PMS2: variants seen among roughly 807,000 people sequenced by gnomAD.
PMS2 encodes PMS1 homolog 2, mismatch repair system component, also known as mismatch repair endonuclease PMS2.
A neutral mutation model predicts 90.0 loss-of-function variants in PMS2; 69 were observed. The observed-to-expected ratio is 0.77, with a 90% CI of 0.63 to 0.94. PMS2 has a LOEUF of 0.94. PMS2 is among the 40% of genes least tolerant of loss of function. The probability of loss-of-function intolerance (pLI) is 0.00; values close to 1 mark genes in which losing one functional copy is unlikely to be tolerated. For synonymous variants in PMS2, 332 were observed against 375.1 expected (o/e 0.89, Z 1.33); for missense variants, 966 against 1,040.2 (o/e 0.93, Z 0.98).
At chr7:5,991,377 A>G (rs1299063062) in intron 9 of PMS2, among the ~76,000 whole-genome samples, 1 of 151,896 alleles carries the variant, frequency 6.6e-6, no homozygotes, top group Non-Finnish European at 1.5e-5. Flanking sequence ...CAATAAACCA[A>G]AATTTTAACA....
At chr7:5,991,537 TA>T (rs34698038) in intron 9 of PMS2, among the ~76,000 whole-genome samples, 21,105 of 145,118 alleles carry the variant, frequency 0.15, 1,530 homozygotes, top group South Asian at 0.22. Context: ...GAACTCTGTT[TA>T]AAAAAAAAAA....
At position 6,004,059 on chromosome 7, in the gene PMS2, C is replaced by A. The variant is rs763308607; in HGVS notation, c.164-1G>T. ...ACTCCATAGTCCTTAAGCTTTAGAT[C>A]TAGAAAGTTTAAAATATTTACATAT... is the stretch of plus-strand genomic sequence containing the variant. On this transcript the variant is annotated splice_acceptor_variant, in intron 2 of 14. Transcript: ENST00000265849. LOFTEE classifies it high-confidence loss of function. The A allele has an allele frequency of 6.6e-7, 1 of 1,519,230 alleles. No homozygotes were observed. The highest frequency in any genetic ancestry group is 9.1e-7 in the Non-Finnish European group (1 of 1,097,034). 94.1% of individuals were successfully genotyped at this position (1,519,230 alleles called of 1,614,324 possible).
rs566335823 is a variant in PMS2 at position 5,982,465 on chromosome 7, A to G, written c.2174+359T>C. On this transcript the variant is annotated intron_variant, in intron 12 of 14. Coordinates refer to ENST00000265849, the MANE Select transcript of PMS2 (RefSeq NM_000535.7). Reference sequence around the variant, plus strand: ...GTGATCTGCCCACCTCGGCCTCCCAAAGTGCCGGGATTATAGGCGTGAGCC... The same window carrying G: ...GTGATCTGCCCACCTCGGCCTCCCAGAGTGCCGGGATTATAGGCGTGAGCC... Among the ~76,000 whole-genome samples, 34 of 152,044 alleles carry G rather than the reference A, an allele frequency of 2.2e-4. 1 individual carries two copies. The highest frequency in any genetic ancestry group is 8.2e-4 in the African/African-American group (34 of 41,400).
chr7:5,987,568 C>T lies in PMS2; in HGVS notation c.1197G>A (p.Lys399=), dbSNP rs757730609. ...TCCTTAATGAAGGGGATTGATCCTGCTTTTCTACCATGGGCTTTTCCAAAT... is the reference window on the plus strand; with the variant it reads ...TCCTTAATGAAGGGGATTGATCCTGTTTTTCTACCATGGGCTTTTCCAAAT... ...AADLEKPMVE[K]QDQSPSLRTG... Residue 399 remains lysine, a synonymous_variant, in exon 11 of 15, where the codon AAG becomes AAA. Transcript: ENST00000265849. The T allele has an allele frequency of 1.8e-4, 295 of 1,612,978 alleles. No homozygotes were observed. Among genetic ancestry groups the T allele is most frequent in the Non-Finnish European group, 2.4e-4 (280 of 1,179,196 alleles).
At chr7:5,977,399 G>A (rs1781786335) in intron 14 of PMS2, among the ~76,000 whole-genome samples, 189 bp downstream of exon 14, 2 of 146,482 alleles carry the variant, frequency 1.4e-5, no homozygotes, top group African/African-American at 2.5e-5. Flanking sequence ...ATAATTATGA[G>A]TTCAAGGTCA....
intron 10 of PMS2, 50 bp from the exon 11 acceptor site, chr7:5,987,670 G>A (rs1783199020): frequency 9.3e-7 from 1 of 1,077,624 alleles, no homozygotes. Flanking sequence ...CTGAAATGGT[G>A]AGAGGACGTG....
In PMS2 at chr7:5,987,532, T is replaced by G. The variant is rs587780040; in HGVS notation, c.1233A>C (p.Glu411Asp). The G allele has an allele frequency of 1.9e-6, 3 of 1,614,200 alleles. No homozygotes were observed. The highest frequency in any genetic ancestry group is 2.5e-6 in the Non-Finnish European group (3 of 1,180,038). ...GTCTGGAAATGGACACGTCTTTTTT[T>G]TCTTCTCCAGTCCTTAATGAAGGGG... ...DQSPSLRTGE[E>D]KKDVSISRLR... The change falls in exon 11 of 15, where the codon GAA becomes GAC. Residue 411 changes from glutamate (E) to aspartate (D), a missense_variant. Glu to Asp is a conservative substitution (Grantham distance 45, BLOSUM62 2). Transcript: ENST00000265849.
At position 5,985,264 on chromosome 7, in the gene PMS2, A is replaced by ATT. The variant is rs142453627; in HGVS notation, c.2006+1493_2006+1494dup. 4.2e-3 allele frequency among the ~76,000 whole-genome samples: 495 copies of ATT among 116,776 alleles called. 9 individuals are homozygous for ATT. The highest frequency in any genetic ancestry group is 0.014 in the African/African-American group (405 of 29,658). 76.6% of individuals were successfully genotyped at this position (116,776 alleles called of 152,430 possible). A position where few individuals can be genotyped will look rare whatever the true frequency, so the allele number is the denominator to read the frequency against. ...AGGCGTACAGCAATGTACTTAGCTAATTTTTTTTTTTTTTTTTTTTTTTTA... is the reference window on the plus strand; with the variant it reads ...AGGCGTACAGCAATGTACTTAGCTAATTTTTTTTTTTTTTTTTTTTTTTTTTA... On this transcript the variant is annotated intron_variant, in intron 11 of 14. Coordinates refer to ENST00000265849, the MANE Select transcript of PMS2 (RefSeq NM_000535.7).
chr7:5,985,540 T>A (rs1782764188), intron 11 of PMS2, among the ~76,000 whole-genome samples: 1 of 151,460 alleles, frequency 6.6e-6, no homozygotes, highest in Admixed American at 6.6e-5. Flanking sequence ...GGAACTCTTT[T>A]TTTCTTTTTT....
At chr7:5,999,377 A>G in intron 5 of PMS2, 102 bp from the exon 6 acceptor site, 1 of 1,015,816 alleles carries the variant, frequency 9.8e-7, no homozygotes, top group Non-Finnish European at 1.6e-6. Flanking sequence ...ACATCATCGC[A>G]CAAATCAAGG....
chr7:5,987,275 C>T lies in PMS2; in HGVS notation c.1490G>A (p.Gly497Asp), dbSNP rs199739859. 150 of 1,613,992 alleles carry T rather than the reference C, an allele frequency of 9.3e-5. No homozygotes were observed. The highest frequency in any genetic ancestry group is 1.1e-4 in the Non-Finnish European group (127 of 1,180,030). Residue 497 changes from glycine to aspartate, a missense_variant, in exon 11 of 15, where the codon GGC becomes GAC. Gly to Asp is a moderately conservative substitution (Grantham distance 94, BLOSUM62 -1). Around this residue, in one of 2 missense-constraint regions of PMS2, gnomAD observed 871 missense variants for 802.4 expected, o/e 1.09. Coordinates refer to ENST00000265849, the MANE Select transcript of PMS2 (RefSeq NM_000535.7). The stretch of plus-strand genomic sequence containing the variant: ...CCCCTCAGAATCCACGGAAGTGCTG[C>T]CGTGCCCCGAGTCCTTCTCCACCTC... ...RAEVEKDSGH[G>D]STSVDSEGFS...
rs2128776394 is a variant in PMS2, at chr7:5,995,627, T to C, written c.810A>G (p.Ser270=). 1.9e-6 allele frequency: 3 copies of C among 1,604,136 alleles called. No individual in the cohort carries two copies. Among genetic ancestry groups the C allele is most frequent in the Non-Finnish European group, 2.6e-6 (3 of 1,170,912 alleles). The change falls in exon 8 of 15, where the codon TCA becomes TCG. Residue 270 remains serine, a synonymous_variant. Coordinates refer to ENST00000265849, the MANE Select transcript of PMS2 (RefSeq NM_000535.7). ...SDALHNLFYI[S]GFISQCTHGV... ...CATGCGTGCATTGTGAAATGAAACC[T>C]GAGATGCTATTCAACATTAATATGG...
chr7:5,988,312 C>T (rs372752364), intron 10 of PMS2, among the ~76,000 whole-genome samples: 3 of 152,092 alleles, frequency 2.0e-5, no homozygotes, highest in East Asian at 3.9e-4. Context: ...GGCACAGTGG[C>T]TCACGCCTGT....
At chr7:5,996,883 C>G (rs1217006572) in intron 7 of PMS2, among the ~76,000 whole-genome samples, 1 of 152,016 alleles carries the variant, frequency 6.6e-6, no homozygotes, top group Non-Finnish European at 1.5e-5. Flanking sequence ...TCTTTCTTAG[C>G]CACAGCATTG....
intron 12 of PMS2, among the ~76,000 whole-genome samples, chr7:5,978,964 G>A (rs1782023813): frequency 1.3e-5 from 2 of 148,872 alleles, no homozygotes; most frequent in African/African-American, 5.1e-5. Flanking sequence ...GGAGCCCGAG[G>A]CAGGCAGATC....
rs752666485 is a variant in PMS2 at position 5,987,367 on chromosome 7, G to C, written c.1398C>G (p.Gly466=). The part of the protein sequence containing the change: ...SSTSGAISDK[G]VLRPQKEAVS... The stretch of plus-strand genomic sequence containing the variant: ...CTGCCTCTTTCTGAGGTCTCAGGAC[G>C]CCTTTGTCAGAGATGGCACCTGAAG... Residue 466 remains glycine (G), a synonymous_variant, in exon 11 of 15, where the codon GGC becomes GGG. Coordinates refer to ENST00000265849, the MANE Select transcript of PMS2 (RefSeq NM_000535.7). 1 of 1,614,130 alleles carries C rather than the reference G, an allele frequency of 6.2e-7. No individual in the cohort carries two copies. The highest frequency in any genetic ancestry group is 8.5e-7 in the Non-Finnish European group (1 of 1,180,006).
chr7:5,987,409 A>G lies in PMS2; in HGVS notation c.1356T>C (p.Gly452=), dbSNP rs786202946. 2 of 1,613,720 alleles carry G rather than the reference A, an allele frequency of 1.2e-6. No homozygotes were observed. Among genetic ancestry groups the G allele is most frequent in the African/African-American group, 2.7e-5 (2 of 74,808 alleles). Residue 452 remains glycine (G), a synonymous_variant, in exon 11 of 15, where the codon GGT becomes GGC. Transcript: ENST00000265849. The part of the protein sequence containing the change: ...PRRSPLGQKR[G]MLSSSTSGAI... ...CACCTGAAGTGCTAGAAGACAGCAT[A>G]CCCCTTTTCTGTCCTAGAGGGCTCC...
In PMS2 at chr7:6,002,618, G is replaced by A. The variant is rs1060504836; in HGVS notation, c.372C>T (p.Thr124=). 1.2e-6 allele frequency: 2 copies of A among 1,611,692 alleles called. No individual in the cohort carries two copies. The highest frequency in any genetic ancestry group is 1.7e-6 in the Non-Finnish European group (2 of 1,179,562). Residue 124 remains threonine, a synonymous_variant, in exon 5 of 15, where the codon ACC becomes ACT. Coordinates refer to ENST00000265849, the MANE Select transcript of PMS2 (RefSeq NM_000535.7). ...LCALSDVTIS[T]CHASAKVGTR... The stretch of plus-strand genomic sequence containing the variant: ...TTCCAACCTTCGCCGATGCGTGGCA[G>A]GTAGAAATGGTGACATCGCTGTGAG...
At chr7:5,978,034 G>C in intron 13 of PMS2, among the ~76,000 whole-genome samples, 1 of 149,950 alleles carries the variant, frequency 6.7e-6, no homozygotes. Flanking sequence ...GCAGGAGAAT[G>C]GTGTGAACCT....
Sources: allele counts gnomAD v4.1 joint callset (sites outside exome capture counted in the v4.1 genomes callset), GRCh38; gene constraint gnomAD v4.1.1; regional missense constraint gnomAD v4.1.1; transcripts MANE v1.5; gene names NCBI Gene and HGNC (gene_info 2026-07-23, HGNC 2026-07-21).